Variants in MAPK10 observed in about 807,000 individuals in gnomAD.
MAPK10 encodes the protein mitogen-activated protein kinase 10, also known as JNK3 alpha protein kinase.
MAPK10 carries 25 observed loss-of-function variants against 59.3 expected under a neutral mutation model. That is an observed-to-expected ratio of 0.42 (90% CI 0.31 to 0.59). The LOEUF is 0.59. Among genes scored for constraint, MAPK10 ranks in the 20% least tolerant of loss-of-function variants. The pLI is 0.15. For missense variants in MAPK10, 351 were observed against 568.9 expected (o/e 0.62, Z 3.90); for synonymous variants, 190 against 200.5 (o/e 0.95, Z 0.44).
chr4:86,455,379 C>T (rs1325868342), upstream of MAPK10, among the ~76,000 whole-genome samples: 11 of 152,070 alleles, frequency 7.2e-5, no homozygotes, highest in Non-Finnish European at 1.6e-4. Context: ...CAACTAGAGA[C>T]ACACCTTCAA....
At chr4:86,355,249 G>T (rs971318812) in intron 1 of MAPK10, among the ~76,000 whole-genome samples, 9 of 152,032 alleles carry the variant, frequency 5.9e-5, no homozygotes, top group African/African-American at 2.2e-4. Context: ...CAAACCATAA[G>T]TTTTTATTTC....
chr4:86,023,330 A>G (rs1474106530), intron 13 of MAPK10, among the ~76,000 whole-genome samples: 2 of 152,188 alleles, frequency 1.3e-5, no homozygotes, highest in Admixed American at 1.3e-4. Flanking sequence ...TGTCTTGAAT[A>G]TTGTAGCTTT....
chr4:86,495,082 A>G, intron 1 of MAPK10, among the ~76,000 whole-genome samples: 1 of 152,064 alleles, frequency 6.6e-6, no homozygotes, highest in Non-Finnish European at 1.5e-5. Context: ...ATCACTTCAG[A>G]CAGAGCCAGA....
Position 86,011,062 on chromosome 4 carries a change from T to C in MAPK10, c.*6166A>G, listed in dbSNP as rs1330363735. 6.6e-6 allele frequency: 1 copy of C among 152,230 alleles called. No individual in the cohort carries two copies. Among genetic ancestry groups the C allele is most frequent in the Non-Finnish European group, 1.5e-5 (1 of 68,034 alleles). The allele number at this position is 152,230 out of a possible 1,614,324, so 9.4% of individuals were successfully genotyped here. On this transcript the variant is annotated 3_prime_UTR_variant, in exon 14 of 14. Transcript: ENST00000641462. ...CTTTAAAAGTAAGAAATATTTGACA[T>C]AAGGTAGAAAATTTCAAAGGAGTGT...
At chr4:86,525,469 C>T (rs943720774) in intron 1 of MAPK10, among the ~76,000 whole-genome samples, 1 of 152,094 alleles carries the variant, frequency 6.6e-6, no homozygotes, top group Non-Finnish European at 1.5e-5. Context: ...CACCCACACC[C>T]TAGTCTTAAA....
chr4:86,427,126 A>G (rs1268544780), intron 1 of MAPK10, among the ~76,000 whole-genome samples: 13 of 151,844 alleles, frequency 8.6e-5, no homozygotes, highest in Non-Finnish European at 1.8e-4. Context: ...GTGTGGTGGC[A>G]TGTGCCTGTA....
chr4:86,085,147 T>G (rs1021845711), intron 9 of MAPK10, among the ~76,000 whole-genome samples: 1 of 152,148 alleles, frequency 6.6e-6, no homozygotes, highest in Non-Finnish European at 1.5e-5. Context: ...CAATCTTCTT[T>G]AAGAAATCAC....
intron 1 of MAPK10, among the ~76,000 whole-genome samples, chr4:86,449,813 T>G (rs983996800): frequency 2.6e-5 from 4 of 152,204 alleles, no homozygotes; most frequent in African/African-American, 9.6e-5. Flanking sequence ...GAGGACAAAA[T>G]TTTCCTGCTG....
At chr4:86,073,263 G>A (rs1371701578) in intron 9 of MAPK10, among the ~76,000 whole-genome samples, 2 of 146,330 alleles carry the variant, frequency 1.4e-5, no homozygotes, top group Non-Finnish European at 1.5e-5. Context: ...TTTTTATTGT[G>A]TCTATTTGGT....
At chr4:86,490,248 C>T (rs1210138201) in intron 1 of MAPK10, among the ~76,000 whole-genome samples, 1 of 152,122 alleles carries the variant, frequency 6.6e-6, no homozygotes, top group Non-Finnish European at 1.5e-5. Flanking sequence ...GGTCTCCCTC[C>T]CCACATTCCT....
chr4:86,587,941 C>T (rs576226311), intron 1 of MAPK10, among the ~76,000 whole-genome samples: 1 of 152,288 alleles, frequency 6.6e-6, no homozygotes, highest in African/African-American at 2.4e-5. Context: ...CACTTGAGCC[C>T]AGGAGTTTGA....
In MAPK10 at chr4:86,017,294, C is replaced by T. The variant is rs773349802; in HGVS notation, c.1329G>A (p.Gln443=). Residue 443 remains glutamine, a synonymous_variant, in exon 14 of 14, where the codon CAG becomes CAA. Coordinates refer to ENST00000641462, the MANE Select transcript of MAPK10 (RefSeq NM_138982.4). The surrounding 1 kb of genome is among the most constrained non-coding windows in gnomAD (Gnocchi z 4.4). ...TGCTGTCAGTGTCAGATGCCAGGGT[C>T]TGGTCGGTGGACATGGAGGAGATGT... The part of the protein sequence containing the change: ...VNDISSMSTD[Q]TLASDTDSSL... 1.9e-6 allele frequency: 3 copies of T among 1,614,196 alleles called. No homozygotes were observed. Among genetic ancestry groups the T allele is most frequent in the Admixed American group, 3.3e-5 (2 of 60,032 alleles).
chr4:86,184,539 C>G (rs1227165144), intron 3 of MAPK10, among the ~76,000 whole-genome samples: 2 of 152,136 alleles, frequency 1.3e-5, no homozygotes, highest in East Asian at 3.9e-4. Context: ...CTTCAAATCT[C>G]ATGTTAAAAT....
In MAPK10 at chr4:86,338,876, T is replaced by C. The variant is rs7667204; in HGVS notation, c.-7+15654A>G. Among the ~76,000 whole-genome samples, 1,519 of 152,224 alleles carry C rather than the reference T, an allele frequency of 1.0e-2. 17 individuals are homozygous for C. Among genetic ancestry groups the C allele is most frequent in the African/African-American group, 0.034 (1,432 of 41,512 alleles). ...AGTGTTAACAAAATTTAGTGCCTAG[T>C]GTTGACAAAATTCCCTACCTGACAC... is the stretch of plus-strand genomic sequence containing the variant. On this transcript the variant is annotated intron_variant, in intron 2 of 13. Transcript: ENST00000641462.
At chr4:86,289,710 G>A (rs2095158103) in intron 2 of MAPK10, among the ~76,000 whole-genome samples, 1 of 150,884 alleles carries the variant, frequency 6.6e-6, no homozygotes, top group African/African-American at 2.4e-5. Context: ...TATATCTATT[G>A]GTCTTTAGTT....
intron 2 of MAPK10, among the ~76,000 whole-genome samples, chr4:86,259,779 C>T (rs1051380828): frequency 6.6e-6 from 1 of 151,970 alleles, no homozygotes; most frequent in African/African-American, 2.4e-5. Context: ...AAATGAAAAC[C>T]ATCAGCTATC....
At chr4:86,464,415 C>A (rs1564909045) in intron 1 of MAPK10, among the ~76,000 whole-genome samples, 1 of 152,306 alleles carries the variant, frequency 6.6e-6, no homozygotes, top group African/African-American at 2.4e-5. Flanking sequence ...ATTTCTGATT[C>A]TTCACACGTG....
chr4:86,414,917 C>T (rs1745666199), intron 1 of MAPK10, among the ~76,000 whole-genome samples: 1 of 152,076 alleles, frequency 6.6e-6, no homozygotes, highest in Admixed American at 6.6e-5. Context: ...GCATTCCACC[C>T]TCTGAGCACT....
intron 1 of MAPK10, among the ~76,000 whole-genome samples, chr4:86,536,138 T>C (rs1317664613): frequency 1.3e-5 from 2 of 152,206 alleles, no homozygotes; most frequent in East Asian, 1.9e-4. Context: ...AACAACTATC[T>C]AATAAATAAT....
Sources: allele counts gnomAD v4.1 joint callset (sites outside exome capture counted in the v4.1 genomes callset), GRCh38; gene constraint gnomAD v4.1.1; non-coding constraint Gnocchi (gnomAD v3.1); transcripts MANE v1.5; gene names NCBI Gene and HGNC (gene_info 2026-07-23, HGNC 2026-07-21).